The following TMEM132D variants were observed in gnomAD, a reference collection of about 807,000 sequenced individuals.
TMEM132D encodes mature OL transmembrane protein.
A neutral mutation model predicts 62.3 loss-of-function variants in TMEM132D; 21 were observed. The observed-to-expected ratio is 0.34, with a 90% CI of 0.24 to 0.49. The LOEUF (loss-of-function observed/expected upper bound fraction) is 0.49, where lower values mean the gene tolerates loss of function less well. Ranked by LOEUF, TMEM132D falls within the 20% of genes least tolerant of loss-of-function variation. The pLI is 0.99. For synonymous variants in TMEM132D, 621 were observed against 575.6 expected (o/e 1.08, Z -1.13); for missense variants, 1,346 against 1,402.8 (o/e 0.96, Z 0.65).
Position 129,902,049 on chromosome 12 carries a change from C to T in TMEM132D, c.79+1212G>A, listed in dbSNP as rs143385869. On this transcript the variant is annotated intron_variant, in intron 1 of 8. Transcript: ENST00000422113. ...TAACTCATAATTAGGAAACGTGAGC[C>T]CATTTCAACCACACTTCAAAGACAG... Among the ~76,000 whole-genome samples, 17 of 152,254 alleles carry T rather than the reference C, an allele frequency of 1.1e-4. 1 individual carries two copies. In the East Asian group the frequency reaches 3.3e-3, roughly 29 times the overall value.
intron 2 of TMEM132D, among the ~76,000 whole-genome samples, chr12:129,658,292 C>T (rs978390106): frequency 1.3e-5 from 2 of 152,100 alleles, no homozygotes; most frequent in Non-Finnish European, 2.9e-5. Flanking sequence ...GATAAAGTAA[C>T]CTAGAAATGT....
chr12:129,269,107 C>T (rs1323616894), intron 4 of TMEM132D, among the ~76,000 whole-genome samples: 4 of 152,006 alleles, frequency 2.6e-5, no homozygotes, highest in Non-Finnish European at 5.9e-5. Context: ...CAACATGGCA[C>T]ATGTGTACAT....
At chr12:129,515,199 CCA>C (rs538860344) in intron 3 of TMEM132D, among the ~76,000 whole-genome samples, 32 of 152,302 alleles carry the variant, frequency 2.1e-4, no homozygotes, top group African/African-American at 6.5e-4. Flanking sequence ...AACCAGGCAA[CCA>C]CAGACTTAAC....
At chr12:129,387,619 C>A (rs913426250) in intron 3 of TMEM132D, among the ~76,000 whole-genome samples, 2 of 151,798 alleles carry the variant, frequency 1.3e-5, no homozygotes, top group South Asian at 2.1e-4. Context: ...ACTAATGCCA[C>A]CACTAACAAT....
chr12:129,587,611 G>A (rs1878066226), intron 2 of TMEM132D, among the ~76,000 whole-genome samples: 1 of 152,078 alleles, frequency 6.6e-6, no homozygotes, highest in Non-Finnish European at 1.5e-5. Flanking sequence ...GGAACGGTTT[G>A]TACTTATGCA....
intron 2 of TMEM132D, among the ~76,000 whole-genome samples, chr12:129,680,690 AGT>A (rs1311980738): frequency 1.3e-5 from 2 of 152,224 alleles, no homozygotes; most frequent in African/African-American, 4.8e-5. Context: ...GAAGAACTTT[AGT>A]ATCGGTAAGT....
At chr12:129,713,581 T>G (rs1201101108) in intron 1 of TMEM132D, among the ~76,000 whole-genome samples, 9 of 152,328 alleles carry the variant, frequency 5.9e-5, no homozygotes, top group Non-Finnish European at 2.9e-5. Flanking sequence ...CCTCACCTTG[T>G]GTGTCTTGCT....
chr12:129,297,944 A>C (rs975226393), intron 4 of TMEM132D, among the ~76,000 whole-genome samples: 3 of 152,172 alleles, frequency 2.0e-5, no homozygotes, highest in African/African-American at 4.8e-5. Flanking sequence ...GCTGGTAATT[A>C]AATGTTTTTT....
intron 2 of TMEM132D, among the ~76,000 whole-genome samples, chr12:129,599,080 T>A (rs1878421057): frequency 6.6e-6 from 1 of 152,148 alleles, no homozygotes; most frequent in Non-Finnish European, 1.5e-5. Flanking sequence ...CAGCCAAATT[T>A]CCATCAAAGA....
chr12:129,577,913 A>C (rs1028186962), intron 2 of TMEM132D, among the ~76,000 whole-genome samples: 1 of 152,184 alleles, frequency 6.6e-6, no homozygotes, highest in African/African-American at 2.4e-5. Flanking sequence ...GTGTCTGTGA[A>C]GGTGTTTACA....
intron 3 of TMEM132D, among the ~76,000 whole-genome samples, chr12:129,430,009 T>A (rs1872609679): frequency 6.6e-6 from 1 of 152,134 alleles, no homozygotes; most frequent in South Asian, 2.1e-4. Context: ...TAGTTCCAAG[T>A]CTCTGCTATT....
chr12:129,105,744 A>G (rs1593262830), intron 5 of TMEM132D, among the ~76,000 whole-genome samples: 1 of 151,368 alleles, frequency 6.6e-6, no homozygotes, highest in South Asian at 2.1e-4. Context: ...TTAGGATGGC[A>G]ATCATTAAAA....
rs527825069 is a variant in TMEM132D at position 129,096,398 on chromosome 12, C to T, written c.1444-11696G>A. On this transcript the variant is annotated intron_variant, in intron 5 of 8. Transcript: ENST00000422113. ...GGAGGAAGGGAAGGACCCAGGATGG[C>T]AGCGGGAGCTCTTGGATCAAGAGGA... 3.3e-5 allele frequency among the ~76,000 whole-genome samples: 5 copies of T among 152,284 alleles called. No homozygotes were observed. In the South Asian group the frequency reaches 1.0e-3, roughly 32 times the overall value.
intron 4 of TMEM132D, among the ~76,000 whole-genome samples, chr12:129,244,284 G>T (rs990983727): frequency 1.1e-4 from 17 of 151,294 alleles, no homozygotes; most frequent in African/African-American, 4.1e-4. Context: ...TACTCGGGAG[G>T]CTGAGGCAGG....
intron 2 of TMEM132D, among the ~76,000 whole-genome samples, chr12:129,577,786 G>A (rs944139859): frequency 3.3e-5 from 5 of 152,120 alleles, no homozygotes; most frequent in Admixed American, 2.6e-4. Flanking sequence ...AAACTCTGTT[G>A]TTCAAAGGTC....
intron 1 of TMEM132D, among the ~76,000 whole-genome samples, chr12:129,752,591 G>C (rs1455299136): frequency 6.6e-6 from 1 of 152,150 alleles, no homozygotes; most frequent in African/African-American, 2.4e-5. Context: ...CTTCGATTAG[G>C]ACTGTCTAGC....
At chr12:129,319,788 C>A (rs1468830886) in intron 4 of TMEM132D, among the ~76,000 whole-genome samples, 1 of 152,160 alleles carries the variant, frequency 6.6e-6, no homozygotes, top group East Asian at 1.9e-4. Flanking sequence ...CTTTCCTGTT[C>A]CAAATGTCAG....
chr12:129,527,578 C>T (rs1876085627), intron 3 of TMEM132D, among the ~76,000 whole-genome samples: 1 of 152,124 alleles, frequency 6.6e-6, no homozygotes, highest in Non-Finnish European at 1.5e-5. Flanking sequence ...TACTGATCCT[C>T]CTTTCTACGT....
At chr12:129,399,273 A>T (rs1036465261) in intron 3 of TMEM132D, among the ~76,000 whole-genome samples, 18 of 129,336 alleles carry the variant, frequency 1.4e-4, no homozygotes, top group Admixed American at 2.1e-4. Context: ...GCAATAGCTA[A>T]CCCACTCCAG....
Sources: gnomAD v4.1 joint callset for allele counts (sites outside exome capture counted in the v4.1 genomes callset) on GRCh38, gnomAD v4.1.1 for gene constraint, MANE v1.5 for transcripts, NCBI Gene and HGNC (gene_info 2026-07-23, HGNC 2026-07-21) for gene names.